Variants in USP6 observed in about 807,000 individuals in gnomAD.
The protein encoded by USP6 is ubiquitin specific peptidase 6.
A neutral mutation model predicts 175.7 loss-of-function variants in USP6; 128 were observed. The observed-to-expected ratio is 0.73, with a 90% CI of 0.63 to 0.84. The LOEUF (loss-of-function observed/expected upper bound fraction) is 0.84, where lower values mean the gene tolerates loss of function less well. Ranked by LOEUF, USP6 falls within the 40% of genes least tolerant of loss-of-function variation. USP6 has a pLI of 0.00. For missense variants in USP6, 1,498 were observed against 1,760.3 expected, an observed-to-expected ratio of 0.85 and a Z score of 2.67; for synonymous variants, 562 against 630.6, an observed-to-expected ratio of 0.89 and a Z score of 1.63.
chr17:5,125,678 G>GCACGCACACACACACACACACA (rs1555589162), intron 5 of USP6, 143 bp from the exon 6 acceptor site: 1 of 137,592 alleles, frequency 7.3e-6, no homozygotes, highest in African/African-American at 2.8e-5. Flanking sequence ...ACACGCACAT[G>GCACGCACACACACACACACACA]CACACACACA....
intron 31 of USP6, among the ~76,000 whole-genome samples, chr17:5,161,037 C>A (rs2073994964): frequency 6.6e-6 from 1 of 152,222 alleles, no homozygotes; most frequent in Non-Finnish European, 1.5e-5. Flanking sequence ...AAAGAAGTTA[C>A]TCCAAAAATG....
intron 15 of USP6, chr17:5,135,025 G>A (rs562851959): frequency 2.4e-5 from 13 of 550,212 alleles, no homozygotes; most frequent in Admixed American, 1.4e-4. Context: ...GAAAAGGATC[G>A]GTCAACTCAC....
At chr17:5,170,402 C>T (rs1411852515) in intron 35 of USP6, 77 bp from the exon 36 acceptor site, 1 of 1,537,132 alleles carries the variant, frequency 6.5e-7, no homozygotes, top group Non-Finnish European at 8.8e-7. Flanking sequence ...GCAAAGCTAA[C>T]CTCGGAGTTA....
rs371884064 is a variant in USP6, at chr17:5,133,965, C to G, written c.463C>G (p.His155Asp). The G allele has an allele frequency of 1.7e-5, 27 of 1,614,020 alleles. No individual in the cohort carries two copies. The highest frequency in any genetic ancestry group is 1.4e-4 in the South Asian group (13 of 91,086). The change falls in exon 15 of 38, where the codon CAT (histidine) becomes GAT (aspartate). Residue 155 changes from histidine to aspartate, a missense_variant. Around this residue, in one of 2 missense-constraint regions of USP6, gnomAD observed 281 missense variants for 259.6 expected, o/e 1.08. Transcript: ENST00000574788. ...GGACGTGAGGACGACTCTCCGGAAC[C>G]ATGTCTTCTTTAGGGATCGATATGG... is the stretch of plus-strand genomic sequence containing the variant. ...DLDVRTTLRN[H>D]VFFRDRYGAK...
chr17:5,171,443 G>T, intron 36 of USP6, 144 bp from the exon 37 acceptor site: 5 of 740,734 alleles, frequency 6.8e-6, no homozygotes, highest in Non-Finnish European at 5.9e-6. Context: ...GCTTATTTTG[G>T]TTTTAGAGAA....
chr17:5,126,812 G>T (rs1203693597), intron 6 of USP6: 6 of 152,330 alleles, frequency 3.9e-5, no homozygotes, highest in African/African-American at 1.2e-4. Flanking sequence ...GCACAGGGCT[G>T]CAGGACCTTG....
At chr17:5,167,337 A>C (rs2074116109) in intron 33 of USP6, among the ~76,000 whole-genome samples, 1 of 152,254 alleles carries the variant, frequency 6.6e-6, no homozygotes, top group Non-Finnish European at 1.5e-5. Flanking sequence ...ATAGGATTCC[A>C]AAGTTGTTAA....
chr17:5,130,166 G>A (rs924646250), intron 9 of USP6, 77 bp downstream of exon 9: 16 of 584,096 alleles, frequency 2.7e-5, no homozygotes, highest in African/African-American at 3.7e-5. Context: ...TCCTTGGGAA[G>A]ATGCCCACCC....
intron 2 of USP6, among the ~76,000 whole-genome samples, chr17:5,118,896 T>C (rs1375671005): frequency 2.0e-5 from 3 of 152,136 alleles, no homozygotes; most frequent in African/African-American, 2.4e-5. Context: ...GGGGCAGCCA[T>C]AGGTATTTTT....
chr17:5,130,311 G>T, intron 9 of USP6, 56 bp from the exon 10 acceptor site: 1 of 1,580,398 alleles, frequency 6.3e-7, no homozygotes, highest in African/African-American at 1.3e-5. Context: ...GAGCGGTTCA[G>T]GTGTTCTCCG....
At chr17:5,151,826 G>C (rs2073780168) in intron 30 of USP6, among the ~76,000 whole-genome samples, 2 of 152,158 alleles carry the variant, frequency 1.3e-5, no homozygotes, top group Admixed American at 1.3e-4. Flanking sequence ...CACAATTTCA[G>C]GTGGTCTATA....
chr17:5,119,776 G>T (rs2072610426), intron 2 of USP6, among the ~76,000 whole-genome samples: 1 of 152,164 alleles, frequency 6.6e-6, no homozygotes, highest in Non-Finnish European at 1.5e-5. Flanking sequence ...CACTACAAGT[G>T]ACTCACAGCC....
At chr17:5,152,726 G>A (rs2073800892) in intron 30 of USP6, among the ~76,000 whole-genome samples, 1 of 152,214 alleles carries the variant, frequency 6.6e-6, no homozygotes, top group African/African-American at 2.4e-5. Flanking sequence ...GGTAGGCACA[G>A]TGGCTCACAC....
rs539420639 is a variant in USP6 at position 5,171,481 on chromosome 17, A to G, written c.3955-106A>G. 2.8e-6 allele frequency: 3 copies of G among 1,068,176 alleles called. No homozygotes were observed. The African/African-American group carries it at 4.8e-5, about 17-fold the overall frequency. 66.2% of individuals were successfully genotyped at this position (1,068,176 alleles called of 1,614,324 possible). A position where few individuals can be genotyped will look rare whatever the true frequency, so the allele number is the denominator to read the frequency against. On this transcript the variant is annotated intron_variant, in intron 36 of 37. Coordinates refer to ENST00000574788, the MANE Select transcript of USP6 (RefSeq NM_001304284.2). ...AGGGTTCTAAAATATTTTCTCACCT[A>G]TTGATCATTTACATGATCAGTGTTC... is the stretch of plus-strand genomic sequence containing the variant.
rs1048429191 is a variant in USP6, at chr17:5,173,374, G to A, written c.*396G>A. 4 of 231,450 alleles carry A rather than the reference G, an allele frequency of 1.7e-5. No homozygotes were observed. Among genetic ancestry groups the A allele is most frequent in the African/African-American group, 8.9e-5 (4 of 45,054 alleles). 14.3% of individuals were successfully genotyped at this position (231,450 alleles called of 1,614,324 possible). Reference sequence around the variant, plus strand: ...AAACAAACAATTATAATGTTGTCTAGGGACGACATGATACGCTACCTCCTT... The same window carrying A: ...AAACAAACAATTATAATGTTGTCTAAGGACGACATGATACGCTACCTCCTT... On this transcript the variant is annotated 3_prime_UTR_variant, in exon 38 of 38. Coordinates refer to ENST00000574788, the MANE Select transcript of USP6 (RefSeq NM_001304284.2).
chr17:5,123,657 G>A (rs2072784521), intron 4 of USP6, among the ~76,000 whole-genome samples: 2 of 152,290 alleles, frequency 1.3e-5, no homozygotes, highest in Admixed American at 6.5e-5. Flanking sequence ...CCCGCAGAAC[G>A]CATACTCACA....
intron 32 of USP6, among the ~76,000 whole-genome samples, chr17:5,162,430 G>A (rs917916465): frequency 3.3e-5 from 5 of 152,122 alleles, no homozygotes; most frequent in African/African-American, 1.2e-4. Context: ...TTACAGGCAT[G>A]AGACACCATG....
intron 31 of USP6, among the ~76,000 whole-genome samples, chr17:5,158,580 GGAGAGA>G (rs772325537): frequency 8.6e-4 from 90 of 104,202 alleles, no homozygotes; most frequent in Non-Finnish European, 1.2e-3. Context: ...AGAGAGAGAG[GGAGAGA>G]GAGAGAGAGA....
In USP6 at chr17:5,134,007, G is replaced by C. The variant is rs546939208; in HGVS notation, c.494+11G>C. ...TCGATATGGAGCCAAGTAAGCCTAC[G>C]GGAGCCACACAGTCCCAGCAGAGAT... On this transcript the variant is annotated intron_variant, in intron 15 of 37. Coordinates refer to ENST00000574788, the MANE Select transcript of USP6 (RefSeq NM_001304284.2). 2.5e-6 allele frequency: 4 copies of C among 1,612,546 alleles called. No homozygotes were observed. The highest frequency in any genetic ancestry group is 3.4e-6 in the Non-Finnish European group (4 of 1,178,792).
Sources: gnomAD v4.1 joint callset for allele counts (sites outside exome capture counted in the v4.1 genomes callset) on GRCh38, gnomAD v4.1.1 for gene constraint, gnomAD v4.1.1 regional missense constraint, MANE v1.5 for transcripts, NCBI Gene and HGNC (gene_info 2026-07-23, HGNC 2026-07-21) for gene names.